The following HIGD1A variants were observed in gnomAD, a reference collection of about 807,000 sequenced individuals.
HIGD1A encodes the protein HIG1 domain family member 1A, mitochondrial.
A neutral mutation model predicts 11.3 loss-of-function variants in HIGD1A; 8 were observed. The observed-to-expected ratio is 0.71, with a 90% confidence interval of 0.42 to 1.28. The LOEUF (loss-of-function observed/expected upper bound fraction) is 1.28. HIGD1A is among the 50% of genes most tolerant of loss of function. The pLI is 0.01. For missense variants in HIGD1A, 107 were observed against 118.8 expected, an observed-to-expected ratio of 0.90 and a Z score of 0.46; for synonymous variants, 32 against 38.4, an observed-to-expected ratio of 0.83 and a Z score of 0.62.
At chr3:42,796,446 TA>T (rs10719438) in intron 1 of HIGD1A, among the ~76,000 whole-genome samples, 38,325 of 141,114 alleles carry the variant, frequency 0.27, 5,929 homozygotes, top group East Asian at 0.69. Flanking sequence ...TTTTTTTTTT[TA>T]AAAAAAAAAG....
chr3:42,795,493 C>A (rs568405942), intron 1 of HIGD1A, among the ~76,000 whole-genome samples: 2 of 152,202 alleles, frequency 1.3e-5, no homozygotes, highest in South Asian at 4.1e-4. Flanking sequence ...GGATTACAGG[C>A]ATGAGCTACC....
At position 42,785,016 on chromosome 3, in the gene HIGD1A, C is replaced by T; in HGVS notation, c.*255G>A. On this transcript the variant is annotated 3_prime_UTR_variant, in exon 4 of 4. Coordinates refer to ENST00000321331, the MANE Select transcript of HIGD1A (RefSeq NM_014056.4). ...AAATTTAAGAAGGTGGACATTTCAA[C>T]ACCATCAAGTGCATTTAGGTGACAT... 2.4e-6 allele frequency: 1 copy of T among 419,204 alleles called. No homozygotes were observed. Among genetic ancestry groups the T allele is most frequent in the Non-Finnish European group, 4.3e-6 (1 of 232,164 alleles). 26.0% of individuals were successfully genotyped at this position (419,204 alleles called of 1,614,324 possible). A position where few individuals can be genotyped will look rare whatever the true frequency, so the allele number is the denominator to read the frequency against.
At chr3:42,787,080 G>A (rs1231843626) in intron 2 of HIGD1A, among the ~76,000 whole-genome samples, 1 of 152,104 alleles carries the variant, frequency 6.6e-6, no homozygotes, top group South Asian at 2.1e-4. Context: ...AATCTGTACT[G>A]GTTCCTTGAA....
At chr3:42,790,471 T>G (rs986143534) in intron 2 of HIGD1A, among the ~76,000 whole-genome samples, 18 of 152,180 alleles carry the variant, frequency 1.2e-4, no homozygotes, top group Non-Finnish European at 2.2e-4. Context: ...AGGCGGAGGT[T>G]GCAGTAAGCT....
chr3:42,804,075 G>T, intron 1 of HIGD1A: 1 of 1,294,194 alleles, frequency 7.7e-7, no homozygotes. Flanking sequence ...GGAAGCTCCC[G>T]CTCCTCGCTC....
At position 42,783,844 on chromosome 3, in the gene HIGD1A, G is replaced by A. The variant is rs1269886859; in HGVS notation, c.*1427C>T. ...TAATCCTAGCACTTTGGGAGGCCGA[G>A]GCAGGTGGATAACCTGAGGTCAGGA... On this transcript the variant is annotated 3_prime_UTR_variant, in exon 4 of 4. Coordinates refer to ENST00000321331, the MANE Select transcript of HIGD1A (RefSeq NM_014056.4). Among the ~76,000 whole-genome samples the A allele has an allele frequency of 6.6e-6, 1 of 152,130 alleles. No individual in the cohort carries two copies. Among genetic ancestry groups the A allele is most frequent in the African/African-American group, 2.4e-5 (1 of 41,434 alleles).
In HIGD1A at chr3:42,786,053, G is replaced by T. The variant is rs776457242; in HGVS notation, c.207C>A (p.Gly69=). The change falls in exon 3 of 4, where the codon GGC becomes GGA. Residue 69 remains glycine (G), a synonymous_variant. Transcript: ENST00000321331. ...HLIHMRVAAQ[G]FVVGAMTVGM... ...CAACAGTCATTGCTCCTACAACAAA[G>T]CCTTGGGCTGCCACACGCATGTGGA... 1.2e-6 allele frequency: 2 copies of T among 1,612,812 alleles called. No individual in the cohort carries two copies. Among genetic ancestry groups the T allele is most frequent in the South Asian group, 2.2e-5 (2 of 91,036 alleles).
chr3:42,796,627 T>A (rs1423772300), intron 1 of HIGD1A, among the ~76,000 whole-genome samples: 1 of 152,124 alleles, frequency 6.6e-6, no homozygotes, highest in East Asian at 1.9e-4. Context: ...CATTCAGGGA[T>A]CAGTTTTTAA....
chr3:42,790,532 C>CGAAA (rs1338709226), intron 2 of HIGD1A, among the ~76,000 whole-genome samples: 2 of 151,712 alleles, frequency 1.3e-5, no homozygotes, highest in African/African-American at 4.8e-5. Context: ...GACTCCGTCT[C>CGAAA]GAAAGAAAGA....
At chr3:42,789,930 C>T (rs550417122) in intron 2 of HIGD1A, among the ~76,000 whole-genome samples, 1 of 152,074 alleles carries the variant, frequency 6.6e-6, no homozygotes. Flanking sequence ...ACTGTGTTGC[C>T]CAGGCTGTCT....
chr3:42,792,452 TCA>T (rs1309889099), intron 2 of HIGD1A, among the ~76,000 whole-genome samples: 1 of 151,506 alleles, frequency 6.6e-6, no homozygotes, highest in African/African-American at 2.4e-5. Flanking sequence ...GGCGGGCGGA[TCA>T]CAAGATCAGG....
chr3:42,790,350 T>C (rs1700408308), intron 2 of HIGD1A, among the ~76,000 whole-genome samples: 3 of 152,078 alleles, frequency 2.0e-5, no homozygotes, highest in Non-Finnish European at 2.9e-5. Context: ...CTGGCCAACA[T>C]GGCAAAACCC....
At chr3:42,787,910 C>G (rs1222029710) in intron 2 of HIGD1A, among the ~76,000 whole-genome samples, 2 of 151,210 alleles carry the variant, frequency 1.3e-5, no homozygotes, top group Non-Finnish European at 2.9e-5. Flanking sequence ...TTGACAAAAC[C>G]AATCATTTAT....
intron 2 of HIGD1A, among the ~76,000 whole-genome samples, chr3:42,788,221 T>C (rs1230197421): frequency 2.0e-5 from 3 of 152,140 alleles, no homozygotes; most frequent in African/African-American, 4.8e-5. Context: ...AATGAGGAAG[T>C]GGATATAATC....
intron 1 of HIGD1A, among the ~76,000 whole-genome samples, chr3:42,802,608 T>C (rs947832338): frequency 3.9e-5 from 6 of 152,232 alleles, no homozygotes; most frequent in African/African-American, 1.4e-4. Context: ...TATAGCCACC[T>C]GAATTGAAAA....
In HIGD1A at chr3:42,786,133, A is replaced by G; in HGVS notation, c.127T>C (p.Tyr43His). Reference protein sequence around the residue: ...GIAGFAAIVAYGLYKLKSRGN... With the variant: ...GIAGFAAIVAHGLYKLKSRGN... ...CTGCTCTTCAGTTTATATAATCCAT[A>G]TGCAACAATTGCTGCAAAACCCGCT... The change falls in exon 3 of 4, where the codon TAT becomes CAT. Residue 43 changes from tyrosine (Y) to histidine (H), a missense_variant. Coordinates refer to ENST00000321331, the MANE Select transcript of HIGD1A (RefSeq NM_014056.4). 1 of 1,614,130 alleles carries G rather than the reference A, an allele frequency of 6.2e-7. No individual in the cohort carries two copies. Among genetic ancestry groups the G allele is most frequent in the East Asian group, 2.2e-5 (1 of 44,874 alleles).
intron 2 of HIGD1A, among the ~76,000 whole-genome samples, chr3:42,789,491 C>A (rs1318382782): frequency 1.6e-5 from 2 of 123,410 alleles, no homozygotes; most frequent in African/African-American, 6.3e-5. Flanking sequence ...CAGAGTGAGA[C>A]CTGTGTCTAC....
In HIGD1A at chr3:42,786,225, A is replaced by G; in HGVS notation, c.98-63T>C. The stretch of plus-strand genomic sequence containing the variant: ...AAGGGACCAAGATGACTTTACCATC[A>G]GTCAATGTACATTCTATTATTTTTA... On this transcript the variant is annotated intron_variant, in intron 2 of 3. Transcript: ENST00000321331. 4.6e-6 allele frequency: 7 copies of G among 1,513,106 alleles called. No homozygotes were observed. In the South Asian group the frequency reaches 7.9e-5, roughly 17 times the overall value. 93.7% of individuals were successfully genotyped at this position (1,513,106 alleles called of 1,614,324 possible).
chr3:42,793,718 T>C (rs1278086574), intron 2 of HIGD1A, among the ~76,000 whole-genome samples: 3 of 152,226 alleles, frequency 2.0e-5, no homozygotes, highest in African/African-American at 7.2e-5. Flanking sequence ...CTCACGCCTA[T>C]AATCCTAGCA....
Sources: gnomAD v4.1 joint callset for allele counts (sites outside exome capture counted in the v4.1 genomes callset) on GRCh38, gnomAD v4.1.1 for gene constraint, MANE v1.5 for transcripts, NCBI Gene and HGNC (gene_info 2026-07-23, HGNC 2026-07-21) for gene names.